Variants in PKIB observed in about 807,000 individuals in gnomAD.
PKIB encodes PKI-beta.
A neutral mutation model predicts 4.5 loss-of-function variants in PKIB; 2 were observed. The ratio of observed to expected loss-of-function variants is 0.44; its 90% confidence interval spans 0.18 to 1.39. The LOEUF (loss-of-function observed/expected upper bound fraction) is 1.39. Among genes scored for constraint, PKIB ranks in the 40% most tolerant of loss-of-function variants. PKIB has a pLI of 0.27. For synonymous variants in PKIB, 38 were observed against 36.0 expected (o/e 1.06, Z -0.20); for missense variants, 94 against 92.6 (o/e 1.02, Z -0.06).
chr6:122,547,660 G>C (rs1772536838), intron 2 of PKIB, among the ~76,000 whole-genome samples: 1 of 152,082 alleles, frequency 6.6e-6, no homozygotes, highest in South Asian at 2.1e-4. Context: ...TTCTTATACT[G>C]TCTGTCTTGG....
chr6:122,650,409 C>G (rs9401563), intron 2 of PKIB, among the ~76,000 whole-genome samples: 16,384 of 152,174 alleles, frequency 0.11, 936 homozygotes, highest in East Asian at 0.14. Flanking sequence ...TGGCCTCACT[C>G]CATAGTTCAG....
At chr6:122,601,737 T>G (rs1462063590) in intron 3 of PKIB, among the ~76,000 whole-genome samples, 1 of 152,210 alleles carries the variant, frequency 6.6e-6, no homozygotes, top group Non-Finnish European at 1.5e-5. Flanking sequence ...CATTTTCTTT[T>G]GTCTGGCTTA....
At chr6:122,579,350 T>C (rs947427622) in intron 2 of PKIB, among the ~76,000 whole-genome samples, 4 of 152,306 alleles carry the variant, frequency 2.6e-5, no homozygotes, top group African/African-American at 9.6e-5. Context: ...CTCTATCCCA[T>C]ATGCCCTAAC....
intron 3 of PKIB, among the ~76,000 whole-genome samples, chr6:122,595,622 C>T (rs1173600650): frequency 6.6e-6 from 1 of 152,174 alleles, no homozygotes; most frequent in Non-Finnish European, 1.5e-5. Context: ...CAACTTGCCA[C>T]TAGGTTGCTG....
At chr6:122,508,038 A>G (rs537749042) in intron 2 of PKIB, among the ~76,000 whole-genome samples, 1 of 152,056 alleles carries the variant, frequency 6.6e-6, no homozygotes, top group Non-Finnish European at 1.5e-5. Flanking sequence ...TTGTTTCACA[A>G]TTGTTTGTCC....
At chr6:122,628,333 G>A (rs1159147431) in intron 1 of PKIB, among the ~76,000 whole-genome samples, 12 of 152,100 alleles carry the variant, frequency 7.9e-5, no homozygotes, top group African/African-American at 2.4e-4. Flanking sequence ...CACCGCGCCC[G>A]GCCTCCAGTT....
chr6:122,584,382 A>T (rs1242410954), intron 2 of PKIB, among the ~76,000 whole-genome samples: 1 of 152,148 alleles, frequency 6.6e-6, no homozygotes, highest in African/African-American at 2.4e-5. Flanking sequence ...TGGAAATGAT[A>T]ATCATAAATT....
chr6:122,528,728 C>CA (rs1777167292), intron 2 of PKIB, among the ~76,000 whole-genome samples: 1 of 152,014 alleles, frequency 6.6e-6, no homozygotes, highest in Non-Finnish European at 1.5e-5. Context: ...CTCGTCTCTA[C>CA]AAAAAATAAA....
intron 3 of PKIB, among the ~76,000 whole-genome samples, chr6:122,589,271 A>G (rs1773946716): frequency 6.6e-6 from 1 of 152,166 alleles, no homozygotes; most frequent in Non-Finnish European, 1.5e-5. Flanking sequence ...ATACTATGCA[A>G]CAATTTAAAA....
chr6:122,515,380 CTTTATAA>C (rs1562236002), intron 2 of PKIB, among the ~76,000 whole-genome samples: 1 of 152,050 alleles, frequency 6.6e-6, no homozygotes, highest in African/African-American at 2.4e-5. Context: ...TTAAAAAATA[CTTTATAA>C]TTTATAAAAC....
intron 2 of PKIB, among the ~76,000 whole-genome samples, chr6:122,547,649 T>G (rs1772536267): frequency 6.6e-6 from 1 of 152,184 alleles, no homozygotes. Flanking sequence ...ATTCAGCAGC[T>G]TTCTTATACT....
intron 2 of PKIB, among the ~76,000 whole-genome samples, chr6:122,650,101 C>G (rs1776490717): frequency 6.6e-6 from 1 of 152,068 alleles, no homozygotes; most frequent in Admixed American, 6.6e-5. Flanking sequence ...CCAAAGAGGC[C>G]CACTTGGCAT....
rs112574776 is a variant in PKIB at position 122,702,953 on chromosome 6, C to T, written c.-8-14834C>T. 7.0e-3 allele frequency among the ~76,000 whole-genome samples: 1,072 copies of T among 152,206 alleles called. 20 individuals carry two copies. The highest frequency in any genetic ancestry group is 0.024 in the African/African-American group (1,008 of 41,544). On this transcript the variant is annotated intron_variant, in intron 3 of 4. Coordinates refer to ENST00000368452, the MANE Select transcript of PKIB (RefSeq NM_181795.3). ...GCATGATGTCGTGTACTTTCTCCTC[C>T]ATTTTTCATTTGGAATACATTCTAC... is the stretch of plus-strand genomic sequence containing the variant.
intron 2 of PKIB, among the ~76,000 whole-genome samples, chr6:122,642,921 A>G (rs1486892384): frequency 1.3e-5 from 2 of 152,188 alleles, no homozygotes; most frequent in Non-Finnish European, 2.9e-5. Context: ...ATTCCTCATT[A>G]CATCTTTATT....
chr6:122,719,750 C>T (rs1462873572), intron 4 of PKIB, among the ~76,000 whole-genome samples: 1 of 73,746 alleles, frequency 1.4e-5, no homozygotes, highest in African/African-American at 8.4e-5. Context: ...CACACACACA[C>T]ACACACACAC....
intron 2 of PKIB, among the ~76,000 whole-genome samples, chr6:122,557,917 G>A (rs1004892046): frequency 1.3e-5 from 2 of 152,024 alleles, no homozygotes; most frequent in South Asian, 4.1e-4. Context: ...CCCTTACCCC[G>A]TTGCACTTAT....
chr6:122,538,294 G>A (rs1284856874), intron 2 of PKIB, among the ~76,000 whole-genome samples: 1 of 152,024 alleles, frequency 6.6e-6, no homozygotes, highest in Non-Finnish European at 1.5e-5. Context: ...TTTTCTTCTA[G>A]GGTTTTTATG....
chr6:122,506,944 G>A (rs1010388507), intron 2 of PKIB, among the ~76,000 whole-genome samples: 16 of 151,736 alleles, frequency 1.1e-4, no homozygotes, highest in South Asian at 2.1e-4. Context: ...CTCGTGATCC[G>A]CCCGCCTCGG....
chr6:122,709,375 C>A (rs1178946423), intron 3 of PKIB, among the ~76,000 whole-genome samples: 2 of 152,086 alleles, frequency 1.3e-5, no homozygotes, highest in African/African-American at 4.8e-5. Context: ...GCTTTCAAAT[C>A]ATCATTTAAA....
Sources: allele counts gnomAD v4.1 joint callset (sites outside exome capture counted in the v4.1 genomes callset), GRCh38; gene constraint gnomAD v4.1.1; transcripts MANE v1.5; gene names NCBI Gene and HGNC (gene_info 2026-07-23, HGNC 2026-07-21).